Variants in HS1BP3 observed in about 807,000 individuals in gnomAD.
The protein encoded by HS1BP3 is HCLS1-binding protein 3.
A neutral mutation model predicts 33.5 loss-of-function variants in HS1BP3; 32 were observed. The observed-to-expected ratio is 0.95, with a 90% CI of 0.72 to 1.28. The LOEUF is 1.28. HS1BP3 is among the 50% of genes most tolerant of loss of function. The pLI is 0.00. For synonymous variants in HS1BP3, 187 were observed against 209.2 expected (o/e 0.89, Z 0.92); for missense variants, 486 against 502.3 (o/e 0.97, Z 0.31).
chr2:20,639,687 C>T (rs932587409), intron 3 of HS1BP3, among the ~76,000 whole-genome samples: 2 of 152,228 alleles, frequency 1.3e-5, no homozygotes, highest in African/African-American at 4.8e-5. Flanking sequence ...TACATTTAAA[C>T]ATCACAAAAG....
At chr2:20,650,791 G>A (rs546276549) in intron 1 of HS1BP3, among the ~76,000 whole-genome samples, 1 of 152,158 alleles carries the variant, frequency 6.6e-6, no homozygotes, top group African/African-American at 2.4e-5. Flanking sequence ...CAGTCCCAGG[G>A]CTCCCGCTGT....
chr2:20,620,232 G>A (rs1418879441), intron 6 of HS1BP3, among the ~76,000 whole-genome samples: 3 of 152,236 alleles, frequency 2.0e-5, no homozygotes, highest in Admixed American at 1.3e-4. Flanking sequence ...CTGTGTGGTC[G>A]CAGAGATTAG....
At chr2:20,607,020 A>AT (rs1694202396) in intron 2 of HS1BP3, among the ~76,000 whole-genome samples, 1 of 151,946 alleles carries the variant, frequency 6.6e-6, no homozygotes, top group South Asian at 2.1e-4. Context: ...CATATCTAAT[A>AT]ATCCATGGCC....
intron 4 of HS1BP3, chr2:20,637,531 C>G (rs1283656120): frequency 6.6e-6 from 1 of 152,314 alleles, no homozygotes; most frequent in Non-Finnish European, 1.5e-5. Flanking sequence ...CCCTGAGCGC[C>G]GCGTACCCTT....
At chr2:20,562,281 C>A (rs1693018683) in intron 5 of HS1BP3, among the ~76,000 whole-genome samples, 1 of 152,108 alleles carries the variant, frequency 6.6e-6, no homozygotes, top group South Asian at 2.1e-4. Flanking sequence ...GAGTTTGACA[C>A]CAGCCTGGGC....
chr2:20,598,055 G>T (rs1210313503), intron 3 of HS1BP3, among the ~76,000 whole-genome samples: 1 of 152,160 alleles, frequency 6.6e-6, no homozygotes, highest in African/African-American at 2.4e-5. Flanking sequence ...AACCTTTTTG[G>T]CATCAGGGAA....
intron 6 of HS1BP3, chr2:20,622,209 T>C (rs928907044): frequency 2.3e-6 from 3 of 1,296,042 alleles, no homozygotes; most frequent in Non-Finnish European, 3.0e-6. Context: ...CATTCTTTAT[T>C]ATGAGGAAGT....
intron 2 of HS1BP3, among the ~76,000 whole-genome samples, chr2:20,645,007 T>C (rs1300495079): frequency 2.0e-5 from 3 of 152,106 alleles, no homozygotes; most frequent in Non-Finnish European, 4.4e-5. Context: ...CTGAGCCCCA[T>C]CTGTTCCTCA....
At position 20,629,990 on chromosome 2, in the gene HS1BP3, C is replaced by T. The variant is rs115175888; in HGVS notation, c.624-5098G>A. On this transcript the variant is annotated intron_variant, in intron 4 of 6. Transcript: ENST00000304031. ...CCATTCCCAGATGTGCCCACCCACA[C>T]AGCAGACCACCAATGGGCACCAGCT... Among the ~76,000 whole-genome samples, 1,027 of 152,358 alleles carry T rather than the reference C, an allele frequency of 6.7e-3. 16 individuals carry two copies. The highest frequency in any genetic ancestry group is 0.023 in the African/African-American group (975 of 41,590).
At chr2:20,607,257 G>A (rs939021446) in intron 2 of HS1BP3, among the ~76,000 whole-genome samples, 16 of 151,854 alleles carry the variant, frequency 1.1e-4, no homozygotes, top group Admixed American at 5.2e-4. Flanking sequence ...CCAGGTTCAA[G>A]CAATTCTCCT....
intron 1 of HS1BP3, among the ~76,000 whole-genome samples, chr2:20,647,318 C>G (rs543542302): frequency 1.3e-5 from 2 of 152,356 alleles, no homozygotes; most frequent in South Asian, 2.1e-4. Flanking sequence ...CAGAGCTGAG[C>G]TGGCCTGGTC....
At chr2:20,581,199 A>G (rs1366463082) in intron 5 of HS1BP3, among the ~76,000 whole-genome samples, 1 of 152,162 alleles carries the variant, frequency 6.6e-6, no homozygotes, top group Non-Finnish European at 1.5e-5. Context: ...AGAAGTCAAG[A>G]CATCCACTCC....
At chr2:20,578,966 G>A (rs1693465412) in intron 5 of HS1BP3, among the ~76,000 whole-genome samples, 1 of 152,216 alleles carries the variant, frequency 6.6e-6, no homozygotes, top group Admixed American at 6.5e-5. Context: ...TCTGTTGAAG[G>A]CAGCCAAGTG....
At chr2:20,565,320 A>T (rs920032119) in intron 5 of HS1BP3, among the ~76,000 whole-genome samples, 3 of 152,032 alleles carry the variant, frequency 2.0e-5, no homozygotes, top group African/African-American at 7.3e-5. Flanking sequence ...CTCACCCAAG[A>T]CTGTGGCTCC....
downstream of HS1BP3, among the ~76,000 whole-genome samples, chr2:20,615,173 T>C (rs565469335): frequency 6.6e-6 from 1 of 152,322 alleles, no homozygotes; most frequent in African/African-American, 2.4e-5. Context: ...GTAGAGGACT[T>C]TATAGTCTAC....
chr2:20,576,348 T>A (rs978176945), intron 5 of HS1BP3, among the ~76,000 whole-genome samples: 6 of 152,202 alleles, frequency 3.9e-5, no homozygotes, highest in African/African-American at 1.4e-4. Context: ...TATGTGTTCC[T>A]CCTCTTTTCC....
Position 20,618,498 on chromosome 2 carries a change from A to C in HS1BP3, c.*489T>G. On this transcript the variant is annotated 3_prime_UTR_variant, in exon 7 of 7. Transcript: ENST00000304031. Reference sequence around the variant, plus strand: ...CCCAGGCCAGTCAGTCACCCAGGCTACAGCTTAGGGTAGGGGAAGGGGAGG... The same window carrying C: ...CCCAGGCCAGTCAGTCACCCAGGCTCCAGCTTAGGGTAGGGGAAGGGGAGG... 6.2e-6 allele frequency: 1 copy of C among 162,526 alleles called. No homozygotes were observed. The highest frequency in any genetic ancestry group is 1.3e-5 in the Non-Finnish European group (1 of 76,790). 10.1% of individuals were successfully genotyped at this position (162,526 alleles called of 1,614,324 possible).
intron 2 of HS1BP3, among the ~76,000 whole-genome samples, chr2:20,604,084 G>A (rs535821748): frequency 6.6e-6 from 1 of 152,314 alleles, no homozygotes; most frequent in African/African-American, 2.4e-5. Flanking sequence ...TCCCTTTTTG[G>A]AAATTAACAA....
chr2:20,561,883 G>A (rs551154520), intron 5 of HS1BP3, among the ~76,000 whole-genome samples: 1 of 152,264 alleles, frequency 6.6e-6, no homozygotes, highest in Non-Finnish European at 1.5e-5. Flanking sequence ...AGAACAAGAC[G>A]TGATTAGAAG....
Sources: gnomAD v4.1 joint callset for allele counts (sites outside exome capture counted in the v4.1 genomes callset) on GRCh38, gnomAD v4.1.1 for gene constraint, MANE v1.5 for transcripts, NCBI Gene and HGNC (gene_info 2026-07-23, HGNC 2026-07-21) for gene names.